Variants in MYT1L observed in about 807,000 individuals in gnomAD.
MYT1L encodes myelin transcription factor 1-like protein.
Under a neutral mutation model 126.7 loss-of-function variants are expected in MYT1L, and 12 were observed. The observed-to-expected ratio is 0.09, with a 90% CI of 0.06 to 0.15. The LOEUF is 0.15. Ranked by LOEUF, MYT1L falls within the 10% of genes least tolerant of loss-of-function variation. MYT1L has a pLI of 1.00. For missense variants in MYT1L, 979 were observed against 1,585.2 expected, an observed-to-expected ratio of 0.62 and a Z score of 6.49; for synonymous variants, 541 against 604.2, an observed-to-expected ratio of 0.90 and a Z score of 1.53.
chr2:1,794,064 G>C (rs983664217), intron 23 of MYT1L, among the ~76,000 whole-genome samples: 2 of 152,198 alleles, frequency 1.3e-5, no homozygotes, highest in Admixed American at 1.3e-4. Flanking sequence ...AGAATGAGGC[G>C]TCATGGCCCA....
intron 3 of MYT1L, among the ~76,000 whole-genome samples, chr2:2,080,730 G>C (rs2150313174): frequency 6.6e-6 from 1 of 152,274 alleles, no homozygotes; most frequent in Non-Finnish European, 1.5e-5. Flanking sequence ...GGAGAAACTG[G>C]AACTCTCATA....
rs116003247 is a variant in MYT1L, at chr2:2,196,144, A to G, written c.-420-23156T>C. Among the ~76,000 whole-genome samples, 1,493 of 152,220 alleles carry G rather than the reference A, an allele frequency of 9.8e-3. 21 individuals carry two copies. The highest frequency in any genetic ancestry group is 0.03 in the African/African-American group (1,254 of 41,558). On this transcript the variant is annotated intron_variant, in intron 2 of 24. Transcript: ENST00000647738. ...TCAAATATCAGGAAAAAATTTTTTA[A>G]ATGCCAGCAGTTACTGACAGCTCAT...
intron 1 of MYT1L, among the ~76,000 whole-genome samples, chr2:2,284,796 T>C (rs965049883): frequency 6.6e-6 from 1 of 151,888 alleles, no homozygotes; most frequent in Non-Finnish European, 1.5e-5. Flanking sequence ...GCCTGTCTCC[T>C]GGGTTCAAGC....
At chr2:2,133,784 T>C (rs1030450194) in intron 3 of MYT1L, among the ~76,000 whole-genome samples, 1 of 152,190 alleles carries the variant, frequency 6.6e-6, no homozygotes, top group Non-Finnish European at 1.5e-5. Context: ...AGTGAGGTCA[T>C]GTGCCCTCCT....
intron 8 of MYT1L, among the ~76,000 whole-genome samples, chr2:1,956,443 TATC>T (rs1266962954): frequency 1.0e-4 from 15 of 146,652 alleles, no homozygotes; most frequent in South Asian, 2.2e-4. Flanking sequence ...TCTATCTACC[TATC>T]ATCTATCTAT....
In MYT1L at chr2:2,295,593, C is replaced by CAGAGAGAGAG. The variant is rs376553600; in HGVS notation, c.-520-11100_-520-11091dup. Among the ~76,000 whole-genome samples, 7 of 20,822 alleles carry CAGAGAGAGAG rather than the reference C, an allele frequency of 3.4e-4. 1 individual carries two copies. Among genetic ancestry groups the CAGAGAGAGAG allele is most frequent in the African/African-American group, 1.0e-3 (5 of 4,794 alleles). The allele number at this position is 20,822 out of a possible 152,430, so 13.7% of individuals were successfully genotyped here. A position where few individuals can be genotyped will look rare whatever the true frequency, so the allele number is the denominator to read the frequency against. On this transcript the variant is annotated intron_variant, in intron 1 of 24. Coordinates refer to ENST00000647738, the MANE Select transcript of MYT1L (RefSeq NM_001303052.2). ...AGAGAGAGAGAGAGAGACAGACAGA[C>CAGAGAGAGAG]AGAGAGAGAGACAGACAGAGAGAGA...
intron 8 of MYT1L, among the ~76,000 whole-genome samples, chr2:1,948,696 C>CCCAGTACTGTGTCCTCGT (rs57753534): frequency 6.6e-6 from 1 of 151,846 alleles, no homozygotes; most frequent in African/African-American, 2.4e-5. Flanking sequence ...AAGGGCTCAG[C>CCCAGTACTGTGTCCTCGT]CCAGGACCTC....
rs553316201 is a variant in MYT1L, at chr2:1,826,686, G to A, written c.3080+12463C>T. Among the ~76,000 whole-genome samples, 20 of 152,290 alleles carry A rather than the reference G, an allele frequency of 1.3e-4. No individual in the cohort carries two copies. In the East Asian group the frequency reaches 3.7e-3, roughly 28 times the overall value. ...CCGGGTACCGGGTCAGTGCAGGGCC[G>A]GCGTCGGGGAAAGCGGAGGGCTCCC... On this transcript the variant is annotated intron_variant, in intron 21 of 24. Coordinates refer to ENST00000647738, the MANE Select transcript of MYT1L (RefSeq NM_001303052.2).
At chr2:2,131,285 C>G (rs2082319266) in intron 3 of MYT1L, among the ~76,000 whole-genome samples, 1 of 152,200 alleles carries the variant, frequency 6.6e-6, no homozygotes, top group Non-Finnish European at 1.5e-5. Flanking sequence ...GGAAACACCA[C>G]TTAGTGCACA....
chr2:1,798,975 G>A (rs2034331102), intron 23 of MYT1L, among the ~76,000 whole-genome samples: 1 of 152,192 alleles, frequency 6.6e-6, no homozygotes, highest in African/African-American at 2.4e-5. Context: ...GTCAGCAGCT[G>A]CCTGTCTCTG....
In MYT1L at chr2:1,929,276, C is replaced by T. The variant is rs893276359; in HGVS notation, c.506-6013G>A. ...GGCAGCACAGGACATGGCCTGGCTC[C>T]GGGATCAGCTATTCTCACTTCCAGC... On this transcript the variant is annotated intron_variant, in intron 9 of 24. Transcript: ENST00000647738. The surrounding 1 kb of genome is among the most constrained non-coding windows in gnomAD (Gnocchi z 4.7). Among the ~76,000 whole-genome samples the T allele has an allele frequency of 3.9e-5, 6 of 152,136 alleles. No individual in the cohort carries two copies. The highest frequency in any genetic ancestry group is 1.4e-4 in the African/African-American group (6 of 41,434).
At chr2:1,846,193 C>T (rs990908852) in intron 19 of MYT1L, among the ~76,000 whole-genome samples, 7 of 152,166 alleles carry the variant, frequency 4.6e-5, no homozygotes, top group South Asian at 2.1e-4. Context: ...CGTGAGAGTG[C>T]GCCAGGCTGG....
chr2:1,937,828 A>G (rs2116651), intron 9 of MYT1L, among the ~76,000 whole-genome samples: 1,721 of 152,316 alleles, frequency 0.011, 24 homozygotes, highest in African/African-American at 0.039. Context: ...TTTCCTCTCA[A>G]GCAGCCCCTC....
At chr2:1,799,036 C>T (rs541272047) in intron 23 of MYT1L, among the ~76,000 whole-genome samples, 11 of 151,370 alleles carry the variant, frequency 7.3e-5, no homozygotes, top group South Asian at 2.1e-4. Flanking sequence ...GCTCATCATC[C>T]GACCCTGAGA....
At chr2:2,251,891 GAAAA>G (rs1266422318) in intron 2 of MYT1L, among the ~76,000 whole-genome samples, 1 of 144,592 alleles carries the variant, frequency 6.9e-6, no homozygotes, top group African/African-American at 2.6e-5. Context: ...AAAGAAGAAC[GAAAA>G]GAAAGAAAGA....
At chr2:2,107,370 A>C (rs577841095) in intron 3 of MYT1L, among the ~76,000 whole-genome samples, 6 of 152,232 alleles carry the variant, frequency 3.9e-5, no homozygotes, top group Non-Finnish European at 8.8e-5. Context: ...GTTCATGTGC[A>C]TATTGGCTGT....
Position 2,224,821 on chromosome 2 carries a change from A to G in MYT1L, c.-420-51833T>C, listed in dbSNP as rs1362331126. On this transcript the variant is annotated intron_variant, in intron 2 of 24. Transcript: ENST00000647738. The surrounding 1 kb of genome is among the most constrained non-coding windows in gnomAD (Gnocchi z 4.0). The stretch of plus-strand genomic sequence containing the variant: ...GCAACAGAGCAAGACTCCGTCTCAA[A>G]AGAAAAAAAAAAAAAGGAAAATAAA... 4.1e-5 allele frequency among the ~76,000 whole-genome samples: 3 copies of G among 72,946 alleles called. No individual in the cohort carries two copies. Among genetic ancestry groups the G allele is most frequent in the Non-Finnish European group, 9.2e-5 (3 of 32,478 alleles). 47.9% of individuals were successfully genotyped at this position (72,946 alleles called of 152,430 possible).
At chr2:1,984,100 T>C (rs961740952) in intron 5 of MYT1L, among the ~76,000 whole-genome samples, 1 of 152,222 alleles carries the variant, frequency 6.6e-6, no homozygotes, top group Non-Finnish European at 1.5e-5. Flanking sequence ...TTTCCTAATA[T>C]GAAAACTTTA....
At chr2:2,211,837 A>C (rs925968118) in intron 2 of MYT1L, among the ~76,000 whole-genome samples, 52 of 151,566 alleles carry the variant, frequency 3.4e-4, no homozygotes, top group African/African-American at 1.2e-3. Flanking sequence ...CAAAAAAAAA[A>C]CTGACAATGC....
Sources: gnomAD v4.1 joint callset for allele counts (sites outside exome capture counted in the v4.1 genomes callset) on GRCh38, gnomAD v4.1.1 for gene constraint, Gnocchi (gnomAD v3.1) non-coding constraint, MANE v1.5 for transcripts, NCBI Gene and HGNC (gene_info 2026-07-23, HGNC 2026-07-21) for gene names.